NAV3: variants seen among roughly 807,000 people sequenced by gnomAD.
NAV3 encodes the protein pore membrane and/or filament interacting like protein 1.
Under a neutral mutation model 244.7 loss-of-function variants are expected in NAV3, and 87 were observed. The observed-to-expected ratio is 0.36, with a 90% confidence interval of 0.30 to 0.42. The LOEUF (loss-of-function observed/expected upper bound fraction) is 0.42. Ranked by LOEUF, NAV3 falls within the 20% of genes least tolerant of loss-of-function variation. The pLI is 1.00. For missense variants in NAV3, 2,663 were observed against 2,893.3 expected (o/e 0.92, Z 1.83); for synonymous variants, 1,126 against 1,042.2 (o/e 1.08, Z -1.55).
upstream of NAV3, chr12:77,830,764 A>G (rs1054269749): frequency 3.9e-5 from 6 of 152,194 alleles, no homozygotes; most frequent in African/African-American, 1.4e-4. Context: ...TATTGCTGAG[A>G]TTGTTTCCGG....
chr12:77,578,113 A>G (rs1869178314), intron 2 of NAV3, among the ~76,000 whole-genome samples: 1 of 152,194 alleles, frequency 6.6e-6, no homozygotes, highest in East Asian at 1.9e-4. Context: ...AATTCTGCCT[A>G]TTTTGCATAT....
intron 1 of NAV3, among the ~76,000 whole-genome samples, chr12:77,834,016 C>T (rs986344125): frequency 6.6e-6 from 1 of 152,112 alleles, no homozygotes; most frequent in Non-Finnish European, 1.5e-5. Context: ...CTTGTGTGTT[C>T]TTCCGCCAGT....
intron 1 of NAV3, among the ~76,000 whole-genome samples, chr12:77,854,587 ATGTGTG>A (rs111504963): frequency 1.6e-5 from 2 of 128,386 alleles, no homozygotes; most frequent in African/African-American, 5.3e-5. Flanking sequence ...GTATGTGTGT[ATGTGTG>A]TGTGTGTGTG....
chr12:77,617,506 A>G (rs771001205), intron 2 of NAV3, among the ~76,000 whole-genome samples: 3 of 152,234 alleles, frequency 2.0e-5, no homozygotes, highest in South Asian at 4.1e-4. Context: ...ACTTCCTTGT[A>G]TAGAACCACC....
At chr12:78,010,287 T>G (rs1875036895) in intron 8 of NAV3, among the ~76,000 whole-genome samples, 1 of 152,216 alleles carries the variant, frequency 6.6e-6, no homozygotes, top group African/African-American at 2.4e-5. Context: ...TTCACTGTTC[T>G]ATCCCCATGT....
intron 2 of NAV3, among the ~76,000 whole-genome samples, chr12:77,593,280 C>CTGTGTGTGTGTG (rs10538987): frequency 9.4e-5 from 14 of 149,042 alleles, no homozygotes; most frequent in African/African-American, 3.5e-4. Flanking sequence ...GTATGTGTGT[C>CTGTGTGTGTGTG]TGTGTGTGTG....
intron 3 of NAV3, among the ~76,000 whole-genome samples, chr12:77,951,991 A>G (rs563827514): frequency 6.6e-6 from 1 of 151,946 alleles, no homozygotes; most frequent in East Asian, 1.9e-4. Flanking sequence ...TGGGTGCAGC[A>G]CACCAACATG....
At chr12:77,964,075 TTTC>T (rs1330736715) in intron 3 of NAV3, among the ~76,000 whole-genome samples, 9 of 150,586 alleles carry the variant, frequency 6.0e-5, no homozygotes, top group African/African-American at 2.4e-5. Context: ...TCCTTCTCCT[TTTC>T]TTCTTCTTCT....
intron 1 of NAV3, among the ~76,000 whole-genome samples, chr12:77,852,191 G>T (rs774685852): frequency 4.6e-5 from 7 of 152,198 alleles, no homozygotes; most frequent in African/African-American, 1.7e-4. Flanking sequence ...TAAAGTTCAC[G>T]TGTGGTAATG....
intron 1 of NAV3, among the ~76,000 whole-genome samples, chr12:77,864,068 TCA>T (rs1010125674): frequency 1.3e-5 from 2 of 151,888 alleles, no homozygotes; most frequent in African/African-American, 4.8e-5. Flanking sequence ...TTTTGGTACA[TCA>T]CACACAATAA....
At chr12:78,070,226 A>G (rs1350268176) in intron 12 of NAV3, among the ~76,000 whole-genome samples, 12 of 152,084 alleles carry the variant, frequency 7.9e-5, no homozygotes, top group Non-Finnish European at 1.6e-4. Context: ...TGCCACATAT[A>G]TTGCTGAGTA....
intron 2 of NAV3, among the ~76,000 whole-genome samples, chr12:77,727,549 G>C (rs1876932202): frequency 1.3e-5 from 2 of 151,872 alleles, no homozygotes; most frequent in Admixed American, 1.3e-4. Context: ...CAGGCAGACA[G>C]ATTTAAGGAA....
intron 11 of NAV3, among the ~76,000 whole-genome samples, chr12:78,058,328 G>A (rs1466553880): frequency 6.6e-6 from 1 of 152,174 alleles, no homozygotes. Flanking sequence ...CACACCGCAG[G>A]CAAGAGAGCT....
intron 8 of NAV3, among the ~76,000 whole-genome samples, chr12:78,010,438 AT>A (rs1875068202): frequency 1.3e-5 from 2 of 152,292 alleles, no homozygotes; most frequent in South Asian, 4.1e-4. Context: ...GTGTCACAAA[AT>A]ATATGTGAAT....
intron 2 of NAV3, among the ~76,000 whole-genome samples, chr12:77,722,933 A>G (rs1876704072): frequency 6.6e-6 from 1 of 152,030 alleles, no homozygotes; most frequent in Non-Finnish European, 1.5e-5. Context: ...ACCTCAGTAA[A>G]GTTAGGCTCA....
chr12:78,006,454 A>C lies in NAV3; in HGVS notation c.916A>C (p.Asn306His), dbSNP rs201802373. Residue 306 changes from asparagine to histidine, a missense_variant, in exon 8 of 40, where the codon AAT becomes CAT. Physicochemically the swap from Asn to His is moderately conservative, Grantham distance 68 (BLOSUM62 1). This residue lies in a region of NAV3 where 1,521 missense variants were observed against 1,497.0 expected (regional missense o/e 1.02). Transcript: ENST00000397909. ...SKGPQSSSGV[N>H]GNVQPPSTAG... is the part of the protein sequence containing the mutation. The stretch of plus-strand genomic sequence containing the variant: ...AGGACCTCAATCGTCTTCAGGTGTA[A>C]ATGGTAACGTGCAGCCTCCCAGTAC... The C allele has an allele frequency of 5.0e-6, 8 of 1,614,036 alleles. No homozygotes were observed. In the Admixed American group the frequency reaches 1.3e-4, roughly 27 times the overall value.
At chr12:77,873,752 ATATATATATATATATG>A (rs1881406746) in intron 1 of NAV3, among the ~76,000 whole-genome samples, 24 of 101,326 alleles carry the variant, frequency 2.4e-4, no homozygotes, top group South Asian at 4.4e-4. Context: ...GTGTATATAT[ATATATATATATATATG>A]TATATAACAG....
chr12:77,662,161 T>C (rs1873480792), intron 2 of NAV3, among the ~76,000 whole-genome samples: 1 of 151,922 alleles, frequency 6.6e-6, no homozygotes, highest in African/African-American at 2.4e-5. Context: ...CGATATTGAG[T>C]CTTGAATCGA....
intron 2 of NAV3, among the ~76,000 whole-genome samples, chr12:77,578,186 C>G (rs2136665740): frequency 6.6e-6 from 1 of 152,282 alleles, no homozygotes; most frequent in East Asian, 1.9e-4. Flanking sequence ...TGAGTATATT[C>G]TGAGGACCAA....
Sources: gnomAD v4.1 joint callset for allele counts (sites outside exome capture counted in the v4.1 genomes callset) on GRCh38, gnomAD v4.1.1 for gene constraint, gnomAD v4.1.1 regional missense constraint, MANE v1.5 for transcripts, NCBI Gene and HGNC (gene_info 2026-07-23, HGNC 2026-07-21) for gene names.